The following ITGAE variants were observed in gnomAD, a reference collection of about 807,000 sequenced individuals.
The protein encoded by ITGAE is integrin alpha-E.
Under a neutral mutation model 136.5 loss-of-function variants are expected in ITGAE, and 99 were observed. The ratio of observed to expected loss-of-function variants is 0.73; its 90% CI spans 0.62 to 0.86. The LOEUF (loss-of-function observed/expected upper bound fraction) is 0.86. Among genes scored for constraint, ITGAE ranks in the 40% least tolerant of loss-of-function variants. ITGAE has a pLI of 0.00. For synonymous variants in ITGAE, 613 were observed against 591.8 expected, an observed-to-expected ratio of 1.04 and a Z score of -0.52; for missense variants, 1,447 against 1,515.3, an observed-to-expected ratio of 0.95 and a Z score of 0.75.
In ITGAE at chr17:3,741,244, A is replaced by AT. The variant is rs34606637; in HGVS notation, c.2449-1367dup. Among the ~76,000 whole-genome samples, 247 of 136,724 alleles carry AT rather than the reference A, an allele frequency of 1.8e-3. 2 individuals carry two copies. The highest frequency in any genetic ancestry group is 4.0e-3 in the South Asian group (17 of 4,302). 89.7% of individuals were successfully genotyped at this position (136,724 alleles called of 152,430 possible). A position where few individuals can be genotyped will look rare whatever the true frequency, so the allele number is the denominator to read the frequency against. ...AGCTGCCCGCCACCACGCCCAGCTA[A>AT]TTTTTTTTTTTTTTTTGTATTTTTA... On this transcript the variant is annotated intron_variant, in intron 19 of 30. Coordinates refer to ENST00000263087, the MANE Select transcript of ITGAE (RefSeq NM_002208.5).
chr17:3,756,463 G>A (rs1464569584), intron 10 of ITGAE, among the ~76,000 whole-genome samples: 2 of 145,522 alleles, frequency 1.4e-5, no homozygotes, highest in Non-Finnish European at 1.5e-5. Context: ...GTGCAGTGGC[G>A]CGATCTTGGC....
chr17:3,792,143 A>T (rs930239532), intron 1 of ITGAE, among the ~76,000 whole-genome samples: 2 of 152,096 alleles, frequency 1.3e-5, no homozygotes, highest in South Asian at 2.1e-4. Context: ...ATTTTTTGAG[A>T]TGGAGTCTGG....
chr17:3,715,148 TC>T (rs2143004750), intron 30 of ITGAE, among the ~76,000 whole-genome samples: 1 of 152,210 alleles, frequency 6.6e-6, no homozygotes, highest in Non-Finnish European at 1.5e-5. Flanking sequence ...CAGAACTGAC[TC>T]CACCTTCCTC....
At chr17:3,754,006 A>G (rs1209603871) in intron 12 of ITGAE, 81 bp from the exon 13 acceptor site, 5 of 1,530,198 alleles carry the variant, frequency 3.3e-6, no homozygotes, top group Non-Finnish European at 4.4e-6. Flanking sequence ...CTTCCCAGTC[A>G]GGCCTTCAAA....
At chr17:3,788,090 T>G (rs1403407105) in intron 1 of ITGAE, among the ~76,000 whole-genome samples, 1 of 152,188 alleles carries the variant, frequency 6.6e-6, no homozygotes, top group Non-Finnish European at 1.5e-5. Flanking sequence ...TGGACATGCC[T>G]TTTTCTTATT....
chr17:3,726,344 C>T (rs756883907), intron 26 of ITGAE: 5 of 1,561,208 alleles, frequency 3.2e-6, no homozygotes, highest in Non-Finnish European at 3.5e-6. Flanking sequence ...CTAAATGTAT[C>T]TTACTGCCCC....
At chr17:3,797,471 T>G (rs556244485) in intron 1 of ITGAE, among the ~76,000 whole-genome samples, 6 of 143,362 alleles carry the variant, frequency 4.2e-5, no homozygotes, top group Non-Finnish European at 9.1e-5. Flanking sequence ...GGCCTTTTTT[T>G]TTTTTTTGAG....
In ITGAE at chr17:3,753,402, C is replaced by T. The variant is rs776327193; in HGVS notation, c.1556G>A (p.Cys519Tyr). 3.7e-6 allele frequency: 6 copies of T among 1,614,086 alleles called. No homozygotes were observed. Among genetic ancestry groups the T allele is most frequent in the Non-Finnish European group, 3.4e-6 (4 of 1,180,038 alleles). Residue 519 changes from cysteine to tyrosine, a missense_variant, in exon 14 of 31, where the codon TGC (cysteine) becomes TAC (tyrosine). By Grantham distance (194) the Cys-to-Tyr change is radical. Coordinates refer to ENST00000263087, the MANE Select transcript of ITGAE (RefSeq NM_002208.5). Reference protein sequence around the residue: ...QMGSYFGSELCPVDIDMDGST... With the variant: ...QMGSYFGSELYPVDIDMDGST... ...TCCATCCATGTCAATGTCCACAGGGCACAGCTCAGAGCCAAAATAGGACCC... is the reference window on the plus strand; with the variant it reads ...TCCATCCATGTCAATGTCCACAGGGTACAGCTCAGAGCCAAAATAGGACCC...
intron 3 of ITGAE, among the ~76,000 whole-genome samples, chr17:3,762,666 C>T (rs1017757479): frequency 1.7e-4 from 25 of 144,236 alleles, no homozygotes; most frequent in Non-Finnish European, 3.1e-4. Flanking sequence ...GGCGCAATCT[C>T]GGCTCACTGC....
chr17:3,757,582 G>T, intron 9 of ITGAE, 124 bp downstream of exon 9: 1 of 1,031,812 alleles, frequency 9.7e-7, no homozygotes, highest in Non-Finnish European at 1.4e-6. Context: ...GAGAAGAGGA[G>T]CATTTGCAAA....
chr17:3,753,902 T>C lies in ITGAE; in HGVS notation c.1408A>G (p.Lys470Glu), dbSNP rs1352384965. ...GCGATGTAGGAGAGGCTGCAGGTCTTGTGCAGCACGGCCACAGCGTAACCT... is the reference window on the plus strand; with the variant it reads ...GCGATGTAGGAGAGGCTGCAGGTCTCGTGCAGCACGGCCACAGCGTAACCT... ...YLGYAVAVLH[K>E]TCSLSYIAGA... The change falls in exon 13 of 31, where the codon AAG (lysine) becomes GAG (glutamate). Residue 470 changes from lysine (K) to glutamate (E), a missense_variant. By Grantham distance (56) the Lys-to-Glu change is moderately conservative (BLOSUM62 1). Coordinates refer to ENST00000263087, the MANE Select transcript of ITGAE (RefSeq NM_002208.5). The C allele has an allele frequency of 6.2e-7, 1 of 1,614,072 alleles. No homozygotes were observed. Among genetic ancestry groups the C allele is most frequent in the Non-Finnish European group, 8.5e-7 (1 of 1,179,990 alleles).
chr17:3,741,234 C>T (rs1032364274), intron 19 of ITGAE, among the ~76,000 whole-genome samples: 32 of 136,466 alleles, frequency 2.3e-4, no homozygotes, highest in East Asian at 8.1e-4. Context: ...CCCGCCACCA[C>T]GCCCAGCTAA....
At chr17:3,790,820 GA>G (rs1406142371) in intron 1 of ITGAE, among the ~76,000 whole-genome samples, 1 of 152,112 alleles carries the variant, frequency 6.6e-6, no homozygotes, top group Non-Finnish European at 1.5e-5. Flanking sequence ...GTCATGTGCG[GA>G]CCTTGTTTGG....
At chr17:3,785,836 T>C (rs147240398) in intron 1 of ITGAE, among the ~76,000 whole-genome samples, 4,617 of 147,220 alleles carry the variant, frequency 0.031, 111 homozygotes, top group Non-Finnish European at 0.046. Flanking sequence ...GAATAAAAAA[T>C]AGAAAGGGGG....
At chr17:3,789,698 A>C in intron 1 of ITGAE, among the ~76,000 whole-genome samples, 1 of 151,460 alleles carries the variant, frequency 6.6e-6, no homozygotes. Flanking sequence ...ATGGAGTTTC[A>C]CTCTGTTGGC....
At chr17:3,783,159 G>A (rs749718804) in intron 1 of ITGAE, among the ~76,000 whole-genome samples, 1 of 151,818 alleles carries the variant, frequency 6.6e-6, no homozygotes, top group Non-Finnish European at 1.5e-5. Context: ...TTATTTTTTT[G>A]AGATGGAGTC....
At chr17:3,769,361 A>G (rs1462518792) in intron 2 of ITGAE, among the ~76,000 whole-genome samples, 2 of 137,190 alleles carry the variant, frequency 1.5e-5, no homozygotes, top group Admixed American at 1.6e-4. Context: ...TCCCACCTGG[A>G]CTGCGCGTTC....
intron 1 of ITGAE, among the ~76,000 whole-genome samples, chr17:3,795,490 G>C (rs2053043374): frequency 6.6e-6 from 1 of 152,262 alleles, no homozygotes; most frequent in Admixed American, 6.5e-5. Context: ...CTGAGGCTCA[G>C]AGAGGGGTGT....
At chr17:3,780,484 G>A (rs1376653760) in intron 1 of ITGAE, among the ~76,000 whole-genome samples, 3 of 151,720 alleles carry the variant, frequency 2.0e-5, no homozygotes, top group Non-Finnish European at 2.9e-5. Context: ...TTTTAGTAGA[G>A]ATGGGGTTTC....
Sources: gnomAD v4.1 joint callset for allele counts (sites outside exome capture counted in the v4.1 genomes callset) on GRCh38, gnomAD v4.1.1 for gene constraint, MANE v1.5 for transcripts, NCBI Gene and HGNC (gene_info 2026-07-23, HGNC 2026-07-21) for gene names.